The following TRDN variants were observed in gnomAD, a reference collection of about 807,000 sequenced individuals.
TRDN encodes triadin in skeletal muscle.
TRDN carries 161 observed loss-of-function variants against 149.7 expected under a neutral mutation model. The ratio of observed to expected loss-of-function variants is 1.08; its 90% CI spans 0.95 to 1.23. The LOEUF (loss-of-function observed/expected upper bound fraction) is 1.23, where lower values mean the gene tolerates loss of function less well. Among genes scored for constraint, TRDN ranks in the 50% most tolerant of loss-of-function variants. TRDN has a pLI of 0.00. For synonymous variants in TRDN, 294 were observed against 250.5 expected, an observed-to-expected ratio of 1.17 and a Z score of -1.64; for missense variants, 896 against 823.5, an observed-to-expected ratio of 1.09 and a Z score of -1.08.
At chr6:123,520,781 A>G (rs1162307042) in intron 5 of TRDN, among the ~76,000 whole-genome samples, 1 of 152,156 alleles carries the variant, frequency 6.6e-6, no homozygotes, top group Non-Finnish European at 1.5e-5. Context: ...CTCATAAGTG[A>G]ACATTCACTA....
At position 123,570,998 on chromosome 6, in the gene TRDN, C is replaced by G. The variant is rs760122691; in HGVS notation, c.157G>C (p.Val53Leu). 1 of 1,613,836 alleles carries G rather than the reference C, an allele frequency of 6.2e-7. No homozygotes were observed. The highest frequency in any genetic ancestry group is 1.3e-5 in the African/African-American group (1 of 74,900). Residue 53 changes from valine to leucine, a missense_variant, in exon 2 of 41, where the codon GTC (valine) becomes CTC (leucine). By Grantham distance (32) the Val-to-Leu change is conservative. Transcript: ENST00000334268. ...TFSSPAAWLL[V>L]IALIITWSAV... is the part of the protein sequence containing the mutation. ...GACCACGTGATTATCAGGGCAATGA[C>G]CAGAAGCCAGGCTGCAGGGGAGCTG...
intron 5 of TRDN, among the ~76,000 whole-genome samples, chr6:123,523,663 T>C (rs1779797392): frequency 1.3e-5 from 2 of 152,096 alleles, no homozygotes; most frequent in African/African-American, 4.8e-5. Flanking sequence ...GTAGACTAAA[T>C]TATAGTACGG....
intron 4 of TRDN, among the ~76,000 whole-genome samples, chr6:123,540,394 A>C (rs2114393958): frequency 6.6e-6 from 1 of 152,358 alleles, no homozygotes; most frequent in Admixed American, 6.5e-5. Flanking sequence ...GAGGAAGGAA[A>C]GCAGGTTCCA....
In TRDN at chr6:123,285,734, A is replaced by C. The variant is rs536797686; in HGVS notation, c.1511-6652T>G. Among the ~76,000 whole-genome samples, 5 of 152,296 alleles carry C rather than the reference A, an allele frequency of 3.3e-5. No homozygotes were observed. The South Asian group carries it at 8.3e-4, about 25-fold the overall frequency. ...CTTCTGCACAGCAAAAGGAACAGTC[A>C]GCAGAGTAAACAGACAACCTACAGA... is the stretch of plus-strand genomic sequence containing the variant. On this transcript the variant is annotated intron_variant, in intron 24 of 40. Transcript: ENST00000334268.
chr6:123,270,322 T>G (rs2114611386), intron 30 of TRDN, among the ~76,000 whole-genome samples: 1 of 152,162 alleles, frequency 6.6e-6, no homozygotes, highest in South Asian at 2.1e-4. Context: ...AACTAGTCTA[T>G]AATTTCTAGG....
chr6:123,468,646 A>G (rs1299315909), intron 9 of TRDN, among the ~76,000 whole-genome samples: 1 of 152,166 alleles, frequency 6.6e-6, no homozygotes, highest in African/African-American at 2.4e-5. Context: ...TGATTGCATG[A>G]TGGAAAAAAG....
intron 1 of TRDN, among the ~76,000 whole-genome samples, chr6:123,605,225 TTAA>T (rs1056394154): frequency 3.4e-5 from 5 of 147,100 alleles, no homozygotes; most frequent in African/African-American, 1.2e-4. Context: ...TAATAATTAT[TTAA>T]TAATTATTAT....
chr6:123,555,014 G>A (rs1265117560), intron 2 of TRDN, among the ~76,000 whole-genome samples: 1 of 152,144 alleles, frequency 6.6e-6, no homozygotes, highest in Non-Finnish European at 1.5e-5. Context: ...ATAGTCTTCT[G>A]AGACTTTGGG....
chr6:123,630,665 G>A (rs1388179250), intron 1 of TRDN, among the ~76,000 whole-genome samples: 1 of 151,858 alleles, frequency 6.6e-6, no homozygotes, highest in Non-Finnish European at 1.5e-5. Flanking sequence ...TGCTTATGGG[G>A]TGGGGAGAAA....
chr6:123,435,844 G>C (rs770491285), intron 12 of TRDN, among the ~76,000 whole-genome samples: 3 of 152,054 alleles, frequency 2.0e-5, no homozygotes, highest in Non-Finnish European at 4.4e-5. Flanking sequence ...TCTCTTGCCA[G>C]TGGTGCACAA....
At chr6:123,346,590 G>A (rs1404766816) in intron 21 of TRDN, among the ~76,000 whole-genome samples, 1 of 151,988 alleles carries the variant, frequency 6.6e-6, no homozygotes, top group East Asian at 1.9e-4. Context: ...TTTGTGTTGT[G>A]CTTACCAGAA....
rs186065764 is a variant in TRDN at position 123,242,367 on chromosome 6, A to G, written c.1975+10045T>C. The stretch of plus-strand genomic sequence containing the variant: ...TTTTGCTTTTAATTTTTAAAATAAT[A>G]AGTACTAAATATAATAAAATCTCAC... On this transcript the variant is annotated intron_variant, in intron 38 of 40. Coordinates refer to ENST00000334268, the MANE Select transcript of TRDN (RefSeq NM_006073.4). Among the ~76,000 whole-genome samples the G allele has an allele frequency of 1.7e-4, 26 of 152,246 alleles. No homozygotes were observed. In the East Asian group the frequency reaches 3.9e-3, roughly 23 times the overall value.
intron 24 of TRDN, among the ~76,000 whole-genome samples, chr6:123,282,562 CA>C (rs1397975806): frequency 2.6e-5 from 4 of 151,724 alleles, no homozygotes; most frequent in Non-Finnish European, 5.9e-5. Context: ...ATAAACATAT[CA>C]AAAACCAATC....
chr6:123,423,208 A>G (rs1051449312), intron 12 of TRDN, among the ~76,000 whole-genome samples: 2 of 152,288 alleles, frequency 1.3e-5, no homozygotes, highest in Non-Finnish European at 1.5e-5. Flanking sequence ...TAAAAGAAGC[A>G]TTTGAATTTT....
At chr6:123,394,900 C>T (rs1772656324) in intron 12 of TRDN, among the ~76,000 whole-genome samples, 1 of 152,022 alleles carries the variant, frequency 6.6e-6, no homozygotes, top group Non-Finnish European at 1.5e-5. Context: ...CTAGTACCAT[C>T]TTTGTCAAAC....
chr6:123,564,408 G>T (rs1236351672), intron 2 of TRDN, among the ~76,000 whole-genome samples: 2 of 152,184 alleles, frequency 1.3e-5, no homozygotes, highest in Non-Finnish European at 2.9e-5. Flanking sequence ...TCGTGTGTGT[G>T]TGTGTATATG....
At chr6:123,585,245 TTTAG>T (rs1181084346) in intron 1 of TRDN, among the ~76,000 whole-genome samples, 8 of 151,488 alleles carry the variant, frequency 5.3e-5, no homozygotes, top group South Asian at 2.1e-4. Flanking sequence ...AAGCAGATAA[TTTAG>T]TTAAAGTGTC....
rs772713920 is a variant in TRDN, at chr6:123,351,502, C to A, written c.1369+1037G>T. On this transcript the variant is annotated intron_variant, in intron 21 of 40. Transcript: ENST00000334268. ...CTGAACTGTAAAATTTCAGAGTCCC[C>A]AGAAGCCAGAATAAATTGGAAAACA... The A allele has an allele frequency of 3.8e-4, 376 of 983,208 alleles. 1 individual carries two copies. Among genetic ancestry groups the A allele is most frequent in the Admixed American group, 9.9e-4 (16 of 16,140 alleles). The allele number at this position is 983,208 out of a possible 1,614,324, so 60.9% of individuals were successfully genotyped here. A position where few individuals can be genotyped will look rare whatever the true frequency, so the allele number is the denominator to read the frequency against.
chr6:123,317,070 G>T (rs923932150), intron 23 of TRDN, among the ~76,000 whole-genome samples: 1 of 151,662 alleles, frequency 6.6e-6, no homozygotes, highest in African/African-American at 2.4e-5. Context: ...CTAGGACAAT[G>T]TCTTTTGTCC....
Sources: gnomAD v4.1 joint callset for allele counts (sites outside exome capture counted in the v4.1 genomes callset) on GRCh38, gnomAD v4.1.1 for gene constraint, MANE v1.5 for transcripts, NCBI Gene and HGNC (gene_info 2026-07-23, HGNC 2026-07-21) for gene names.